Variants in STRA6 observed in about 807,000 individuals in gnomAD.
The protein encoded by STRA6 is receptor for retinol uptake STRA6.
A neutral mutation model predicts 83.6 loss-of-function variants in STRA6; 48 were observed. That is an observed-to-expected ratio of 0.57 (90% CI 0.46 to 0.73). STRA6 has a LOEUF of 0.73. Among genes scored for constraint, STRA6 ranks in the 30% least tolerant of loss-of-function variants. The pLI is 0.00. For missense variants in STRA6, 760 were observed against 838.8 expected (o/e 0.91, Z 1.16); for synonymous variants, 353 against 362.3 (o/e 0.97, Z 0.29).
chr15:74,202,101 C>T (rs2074095283), intron 2 of STRA6, 54 bp downstream of exon 2: 2 of 1,423,298 alleles, frequency 1.4e-6, no homozygotes, highest in South Asian at 1.9e-5. Context: ...GCAACCTCTG[C>T]CATCACCCCA....
chr15:74,200,184 C>T (rs1274731599), intron 2 of STRA6, among the ~76,000 whole-genome samples: 11 of 152,210 alleles, frequency 7.2e-5, no homozygotes, highest in African/African-American at 2.2e-4. Context: ...CGCACCACTG[C>T]ACTCCAACCC....
chr15:74,195,624 C>G (rs1487471962), intron 6 of STRA6, 28 bp downstream of exon 6: 1 of 1,547,028 alleles, frequency 6.5e-7, no homozygotes, highest in East Asian at 2.4e-5. Context: ...TCTGACTAGT[C>G]TCAACTCTGT....
upstream of STRA6, chr15:74,202,800 C>A: frequency 8.9e-7 from 1 of 1,119,634 alleles, no homozygotes; most frequent in Non-Finnish European, 1.1e-6. Context: ...CTGGGCCCTC[C>A]CAGCTGGGCT....
At chr15:74,199,464 G>A (rs951026072) in intron 2 of STRA6, among the ~76,000 whole-genome samples, 52 of 151,946 alleles carry the variant, frequency 3.4e-4, no homozygotes, top group Admixed American at 2.6e-3. Context: ...ACTCTGGTGC[G>A]TAGGGCAGCC....
At chr15:74,192,989 G>T (rs1229280153) in intron 8 of STRA6, among the ~76,000 whole-genome samples, 1 of 152,198 alleles carries the variant, frequency 6.6e-6, no homozygotes, top group African/African-American at 2.4e-5. Flanking sequence ...ACAGCACTGA[G>T]CCCGGGGCCT....
At chr15:74,204,573 A>G (rs952064934), upstream of STRA6, among the ~76,000 whole-genome samples, 3 of 152,188 alleles carry the variant, frequency 2.0e-5, no homozygotes, top group Non-Finnish European at 4.4e-5. Context: ...GTCCAGTTCC[A>G]GACAGGGAGC....
Position 74,190,876 on chromosome 15 carries a change from C to A in STRA6, c.891G>T (p.Val297=), listed in dbSNP as rs769525635. 3 of 1,614,072 alleles carry A rather than the reference C, an allele frequency of 1.9e-6. No homozygotes were observed. Among genetic ancestry groups the A allele is most frequent in the Non-Finnish European group, 2.5e-6 (3 of 1,180,004 alleles). The part of the protein sequence containing the change: ...QPGFHLPLKL[V]LSATLTGTAI... ...CCGTCCCTGTCAGTGTAGCTGAAAG[C>A]ACCAGCTTCAGCGGGAGATGGAATC... Residue 297 remains valine (V), a synonymous_variant, in exon 11 of 19, where the codon GTG becomes GTT. Transcript: ENST00000395105.
chr15:74,203,210 C>G (rs947508101), upstream of STRA6: 4 of 972,676 alleles, frequency 4.1e-6, no homozygotes, highest in African/African-American at 7.1e-5. Flanking sequence ...TTGGTAAACC[C>G]TTTTTGTTCC....
chr15:74,182,374 G>A lies in STRA6; in HGVS notation c.1387C>T (p.Leu463Phe), dbSNP rs1305197110. ...GACTCCAGGGAACGGAAGAGCAGGA[G>A]GTTCCTGCCATGGAGCACAGGCATG... Reference protein sequence around the residue: ...VLMPVLHGRNLLLFRSLESSW... With the variant: ...VLMPVLHGRNFLLFRSLESSW... Residue 463 changes from leucine (L) to phenylalanine (F), a missense_variant, in exon 15 of 19, where the codon CTC (leucine) becomes TTC (phenylalanine). Leu to Phe is a conservative substitution (Grantham distance 22, BLOSUM62 0). Transcript: ENST00000395105. 3 of 1,613,936 alleles carry A rather than the reference G, an allele frequency of 1.9e-6. No homozygotes were observed. Among genetic ancestry groups the A allele is most frequent in the Non-Finnish European group, 2.5e-6 (3 of 1,179,984 alleles).
At chr15:74,204,940 A>AGAAAGAAAGAAAGAAAG (rs10647648), upstream of STRA6, among the ~76,000 whole-genome samples, 51 of 151,738 alleles carry the variant, frequency 3.4e-4, no homozygotes, top group African/African-American at 1.2e-3. Flanking sequence ...ATCTCAAAAA[A>AGAAAGAAAGAAAGAAAG]AAAGAAAGAA....
Position 74,180,850 on chromosome 15 carries a change from G to A in STRA6, c.1772C>T (p.Ala591Val), listed in dbSNP as rs140894233. 2.2e-5 allele frequency: 36 copies of A among 1,613,994 alleles called. No individual in the cohort carries two copies. Among genetic ancestry groups the A allele is most frequent in the Middle Eastern group, 1.6e-4 (1 of 6,082 alleles). Residue 591 changes from alanine (A) to valine (V), a missense_variant, in exon 18 of 19, where the codon GCG becomes GTG. By Grantham distance (64) the Ala-to-Val change is moderately conservative (BLOSUM62 0). Transcript: ENST00000395105. ...CATGGTCCTGGGTAGGAGGCTCTGC[G>A]CTTGCAGGAGCAGGGAGCAGAAGGC... ...MTAFCSLLLQ[A>V]QSLLPRTMAA...
At chr15:74,207,270 T>A (rs1209205581), upstream of STRA6, among the ~76,000 whole-genome samples, 1 of 151,976 alleles carries the variant, frequency 6.6e-6, no homozygotes, top group East Asian at 1.9e-4. Flanking sequence ...CCCCAGAACC[T>A]CAGAAACATC....
At position 74,195,964 on chromosome 15, in the gene STRA6, C is replaced by T. The variant is rs200300373; in HGVS notation, c.406+44G>A. ...TAAAACTCCGAGACCCCACCCTACCCCATCCCATCACACCAACCCCAGGGC... is the reference window on the plus strand; with the variant it reads ...TAAAACTCCGAGACCCCACCCTACCTCATCCCATCACACCAACCCCAGGGC... On this transcript the variant is annotated intron_variant, in intron 5 of 18. Coordinates refer to ENST00000395105, the MANE Select transcript of STRA6 (RefSeq NM_022369.4). 6.8e-6 allele frequency: 11 copies of T among 1,612,412 alleles called. No individual in the cohort carries two copies. The Admixed American group carries it at 1.3e-4, about 20-fold the overall frequency.
chr15:74,185,077 A>C, intron 12 of STRA6, 22 bp from the exon 13 acceptor site: 5 of 1,612,566 alleles, frequency 3.1e-6, no homozygotes, highest in Non-Finnish European at 4.2e-6. Context: ...AGAATGAGCA[A>C]AGTGAGAGGT....
In STRA6 at chr15:74,193,941, A is replaced by T. The variant is rs1230992888; in HGVS notation, c.598-19T>A. The stretch of plus-strand genomic sequence containing the variant: ...TGTAGATCTGGACAGACAAACACCC[A>T]GACAGACTACTTTCCACCTTCTTCC... On this transcript the variant is annotated intron_variant, in intron 7 of 18. Transcript: ENST00000395105. 6.2e-7 allele frequency: 1 copy of T among 1,611,998 alleles called. No homozygotes were observed. Among genetic ancestry groups the T allele is most frequent in the South Asian group, 1.1e-5 (1 of 90,978 alleles).
chr15:74,197,045 G>T (rs536565300), intron 4 of STRA6, among the ~76,000 whole-genome samples: 3 of 152,182 alleles, frequency 2.0e-5, no homozygotes, highest in African/African-American at 7.2e-5. Context: ...ACACATGGAG[G>T]GCTGCCTGAG....
intron 2 of STRA6, 141 bp downstream of exon 2, chr15:74,202,014 T>C (rs2074090733): frequency 9.6e-7 from 1 of 1,036,402 alleles, no homozygotes. Context: ...GGCTGTGACT[T>C]GCCCAAGGTC....
At position 74,183,947 on chromosome 15, in the gene STRA6, C is replaced by G. The variant is rs762272470; in HGVS notation, c.1209G>C (p.Leu403Phe). 1.9e-6 allele frequency: 3 copies of G among 1,613,796 alleles called. No individual in the cohort carries two copies. Among genetic ancestry groups the G allele is most frequent in the Non-Finnish European group, 2.5e-6 (3 of 1,180,054 alleles). ...RALHRGAALD[L>F]SPLHRSPHPS... The stretch of plus-strand genomic sequence containing the variant: ...GATGGGGACTCCGATGCAAGGGACT[C>G]AAGTCCAGGGCAGCTCCTCGGTGCA... The change falls in exon 14 of 19, where the codon TTG becomes TTC. Residue 403 changes from leucine to phenylalanine, a missense_variant. Leu to Phe is a conservative substitution (Grantham distance 22, BLOSUM62 0). Coordinates refer to ENST00000395105, the MANE Select transcript of STRA6 (RefSeq NM_022369.4).
At chr15:74,201,157 C>T (rs534710853) in intron 2 of STRA6, among the ~76,000 whole-genome samples, 7 of 152,302 alleles carry the variant, frequency 4.6e-5, no homozygotes, top group South Asian at 2.1e-4. Context: ...GCTCCTTCCC[C>T]GAGGCCTGGG....
Sources: gnomAD v4.1 joint callset for allele counts (sites outside exome capture counted in the v4.1 genomes callset) on GRCh38, gnomAD v4.1.1 for gene constraint, MANE v1.5 for transcripts, NCBI Gene and HGNC (gene_info 2026-07-23, HGNC 2026-07-21) for gene names.